SDK1: variants seen among roughly 807,000 people sequenced by gnomAD.
The protein encoded by SDK1 is protein sidekick-1.
A neutral mutation model predicts 245.5 loss-of-function variants in SDK1; 157 were observed. That is an observed-to-expected ratio of 0.64 (90% confidence interval 0.56 to 0.73). The LOEUF (loss-of-function observed/expected upper bound fraction) is 0.73. Ranked by LOEUF, SDK1 falls within the 30% of genes least tolerant of loss-of-function variation. The probability of loss-of-function intolerance (pLI) is 0.00; values close to 1 mark genes in which losing one functional copy is unlikely to be tolerated. For missense variants in SDK1, 3,583 were observed against 3,002.3 expected, an observed-to-expected ratio of 1.19 and a Z score of -4.52; for synonymous variants, 1,647 against 1,278.5, an observed-to-expected ratio of 1.29 and a Z score of -6.15.
chr7:3,682,345 T>C (rs558641357), intron 4 of SDK1, among the ~76,000 whole-genome samples: 2 of 152,358 alleles, frequency 1.3e-5, no homozygotes, highest in African/African-American at 2.4e-5. Context: ...TTGCTTCTTA[T>C]TGAGGAAAGC....
chr7:3,619,276 G>C lies in SDK1; in HGVS notation c.458+37G>C, dbSNP rs75615634. ...CTTGAAAAAATAAGATCCCATTTCA[G>C]TTGATGTGTTTGGAATACTTGCCTT... On this transcript the variant is annotated intron_variant, in intron 2 of 44. Transcript: ENST00000404826. The C allele has an allele frequency of 7.7e-3, 12,075 of 1,577,672 alleles. 402 individuals carry two copies. The African/African-American group carries it at 0.1, about 13-fold the overall frequency.
intron 1 of SDK1, among the ~76,000 whole-genome samples, chr7:3,570,359 G>A (rs918363878): frequency 8.5e-5 from 13 of 152,052 alleles, no homozygotes; most frequent in Admixed American, 7.2e-4. Flanking sequence ...AAAATCAAAC[G>A]CCGCCTCTGA....
intron 35 of SDK1, among the ~76,000 whole-genome samples, chr7:4,194,554 C>T (rs913644578): frequency 7.9e-5 from 12 of 151,910 alleles, no homozygotes; most frequent in African/African-American, 2.9e-4. Context: ...TCTGCAAGCT[C>T]GAGGAGCAAG....
chr7:3,546,642 G>A (rs1458184639), intron 1 of SDK1, among the ~76,000 whole-genome samples: 1 of 151,826 alleles, frequency 6.6e-6, no homozygotes, highest in Non-Finnish European at 1.5e-5. Context: ...GACACGCTGT[G>A]GTGGGCTGCC....
intron 42 of SDK1, 84 bp from the exon 43 acceptor site, chr7:4,241,709 G>T: frequency 6.4e-7 from 1 of 1,566,900 alleles, no homozygotes; most frequent in East Asian, 2.2e-5. Flanking sequence ...CTCAGGAGCT[G>T]CCCCGCTGGC....
rs1399262683 is a variant in SDK1, at chr7:3,746,880, C to T, written c.714-74570C>T. ...ATATTTTGACCTCCTCTCATGAATC[C>T]CGAATGTTCTTGATGGCATCTAGAA... On this transcript the variant is annotated intron_variant, in intron 4 of 44. Coordinates refer to ENST00000404826, the MANE Select transcript of SDK1 (RefSeq NM_152744.4). Among the ~76,000 whole-genome samples, 7 of 152,264 alleles carry T rather than the reference C, an allele frequency of 4.6e-5. No homozygotes were observed. The East Asian group carries it at 1.2e-3, about 25-fold the overall frequency.
At chr7:3,773,296 C>A (rs1378706066) in intron 4 of SDK1, among the ~76,000 whole-genome samples, 1 of 152,116 alleles carries the variant, frequency 6.6e-6, no homozygotes, top group East Asian at 1.9e-4. Flanking sequence ...TTCACTGATT[C>A]TTTCTTCCAC....
chr7:4,222,085 G>A (rs1050840947), intron 40 of SDK1, among the ~76,000 whole-genome samples: 6 of 152,156 alleles, frequency 3.9e-5, no homozygotes, highest in African/African-American at 9.7e-5. Context: ...TGTCAGGGAC[G>A]CTATTCAGGA....
chr7:3,951,087 C>T (rs530067974), intron 6 of SDK1, 53 bp downstream of exon 6: 104 of 1,301,162 alleles, frequency 8.0e-5, no homozygotes, highest in East Asian at 6.5e-4. Flanking sequence ...TGACCTGTGA[C>T]GAGCCGACGA....
Position 3,326,765 on chromosome 7 carries a change from A to G in SDK1, c.298+24881A>G, listed in dbSNP as rs148507689. Among the ~76,000 whole-genome samples, 385 of 152,268 alleles carry G rather than the reference A, an allele frequency of 2.5e-3. 4 individuals are homozygous for G. Among genetic ancestry groups the G allele is most frequent in the African/African-American group, 8.8e-3 (364 of 41,558 alleles). ...CACTCAGTTTAAGTAATTTCAACTC[A>G]TGGCTAATTTTGGTTCATCTACATC... is the stretch of plus-strand genomic sequence containing the variant. On this transcript the variant is annotated intron_variant, in intron 1 of 44. Transcript: ENST00000404826.
intron 1 of SDK1, among the ~76,000 whole-genome samples, chr7:3,576,383 T>C (rs1434317136): frequency 2.0e-5 from 3 of 152,198 alleles, no homozygotes; most frequent in African/African-American, 7.2e-5. Flanking sequence ...TGAGATAAGC[T>C]GTGTGTTACC....
At chr7:3,655,707 A>G (rs979169286) in intron 4 of SDK1, among the ~76,000 whole-genome samples, 4 of 151,858 alleles carry the variant, frequency 2.6e-5, no homozygotes, top group South Asian at 4.2e-4. Context: ...GAACAAATAG[A>G]TAAGTGTTTC....
chr7:4,028,460 G>A (rs565916055), intron 17 of SDK1, among the ~76,000 whole-genome samples: 4 of 152,192 alleles, frequency 2.6e-5, no homozygotes, highest in Non-Finnish European at 5.9e-5. Context: ...CCTCAACTGT[G>A]TCTCAGGAAA....
intron 1 of SDK1, among the ~76,000 whole-genome samples, chr7:3,383,279 C>T (rs1781534258): frequency 6.6e-6 from 1 of 152,054 alleles, no homozygotes; most frequent in Non-Finnish European, 1.5e-5. Context: ...GGTGTGGTGG[C>T]ATGTGCCTGT....
intron 22 of SDK1, among the ~76,000 whole-genome samples, chr7:4,099,636 A>T (rs903295184): frequency 2.9e-5 from 4 of 137,250 alleles, no homozygotes; most frequent in African/African-American, 1.1e-4. Context: ...GTCTCTGGGA[A>T]CTGGCTCACC....
chr7:4,187,683 G>A (rs1227736917), intron 35 of SDK1, among the ~76,000 whole-genome samples: 3 of 152,192 alleles, frequency 2.0e-5, no homozygotes, highest in Admixed American at 6.5e-5. Flanking sequence ...GAGTTTATTC[G>A]AGCAGACAGC....
chr7:3,427,260 C>T (rs546098358), intron 1 of SDK1, among the ~76,000 whole-genome samples: 3 of 152,102 alleles, frequency 2.0e-5, no homozygotes, highest in Non-Finnish European at 4.4e-5. Flanking sequence ...AGGCTCACAC[C>T]TGTAATCCCA....
At chr7:3,845,316 C>G (rs1780248760) in intron 5 of SDK1, among the ~76,000 whole-genome samples, 1 of 151,832 alleles carries the variant, frequency 6.6e-6, no homozygotes, top group Admixed American at 6.6e-5. Context: ...ATGGGGAAAC[C>G]CTGTCTCTAC....
At chr7:3,578,184 G>A (rs993181437) in intron 1 of SDK1, among the ~76,000 whole-genome samples, 5 of 151,896 alleles carry the variant, frequency 3.3e-5, no homozygotes, top group Non-Finnish European at 7.4e-5. Context: ...CAGTTGGGCC[G>A]CCGGGGGTGA....
Sources: allele counts gnomAD v4.1 joint callset (sites outside exome capture counted in the v4.1 genomes callset), GRCh38; gene constraint gnomAD v4.1.1; transcripts MANE v1.5; gene names NCBI Gene and HGNC (gene_info 2026-07-23, HGNC 2026-07-21).